The following CHST9 variants were observed in gnomAD, a reference collection of about 807,000 sequenced individuals.
CHST9 encodes the protein carbohydrate sulfotransferase 9, also known as GalNAc-4-sulfotransferase 2.
A neutral mutation model predicts 44.4 loss-of-function variants in CHST9; 41 were observed. That is an observed-to-expected ratio of 0.92 (90% CI 0.72 to 1.20). CHST9 has a LOEUF of 1.20. Among genes scored for constraint, CHST9 ranks in the 50% most tolerant of loss-of-function variants. CHST9 has a pLI of 0.00. For synonymous variants in CHST9, 171 were observed against 178.4 expected (o/e 0.96, Z 0.33); for missense variants, 504 against 516.5 (o/e 0.98, Z 0.23).
intron 4 of CHST9, among the ~76,000 whole-genome samples, chr18:27,012,695 AC>A: frequency 6.6e-6 from 1 of 152,354 alleles, no homozygotes; most frequent in East Asian, 1.9e-4. Context: ...GCAAGGTAGA[AC>A]AAGTTTTCCC....
chr18:27,039,975 ATT>A (rs2057427514), intron 3 of CHST9, among the ~76,000 whole-genome samples: 1 of 152,154 alleles, frequency 6.6e-6, no homozygotes, highest in African/African-American at 2.4e-5. Context: ...ACAGAGAACT[ATT>A]CGTTTTCAGA....
intron 2 of CHST9, among the ~76,000 whole-genome samples, chr18:27,085,301 A>G (rs567040976): frequency 6.6e-6 from 1 of 152,322 alleles, no homozygotes; most frequent in South Asian, 2.1e-4. Flanking sequence ...GCTTCTGCAC[A>G]GCAAAATAAA....
chr18:27,014,912 C>A (rs2057132984), intron 4 of CHST9, among the ~76,000 whole-genome samples: 1 of 152,024 alleles, frequency 6.6e-6, no homozygotes, highest in South Asian at 2.1e-4. Flanking sequence ...TTTCTATTGT[C>A]TCTTTTTTGC....
intron 3 of CHST9, among the ~76,000 whole-genome samples, chr18:27,041,802 T>G (rs1009544433): frequency 6.6e-6 from 1 of 152,178 alleles, no homozygotes; most frequent in Non-Finnish European, 1.5e-5. Context: ...TAAATTCGAC[T>G]GGCTGGAAAA....
intron 2 of CHST9, among the ~76,000 whole-genome samples, chr18:27,133,047 G>A (rs1390588902): frequency 6.6e-6 from 1 of 152,138 alleles, no homozygotes; most frequent in Non-Finnish European, 1.5e-5. Flanking sequence ...CACTGGCCAG[G>A]CTTGGATTAG....
In CHST9 at chr18:26,975,704, T is replaced by TATATATATATATATAA. The variant is rs1568117287; in HGVS notation, c.203-31339_203-31338insTTATATATATATATAT. Among the ~76,000 whole-genome samples the TATATATATATATATAA allele has an allele frequency of 2.4e-3, 104 of 43,144 alleles. 1 individual carries two copies. Among genetic ancestry groups the TATATATATATATATAA allele is most frequent in the African/African-American group, 0.011 (101 of 9,386 alleles). The allele number at this position is 43,144 out of a possible 152,430, so 28.3% of individuals were successfully genotyped here. A position where few individuals can be genotyped will look rare whatever the true frequency, so the allele number is the denominator to read the frequency against. ...ATATATGTGTGTGTATATATATGTGTATATATGTGTGTGTGTGTGTGTATA... is the reference window on the plus strand; with the variant it reads ...ATATATGTGTGTGTATATATATGTGTATATATATATATATAAATATATGTGTGTGTGTGTGTGTATA... On this transcript the variant is annotated intron_variant, in intron 4 of 5. Transcript: ENST00000618847.
intron 4 of CHST9, among the ~76,000 whole-genome samples, chr18:26,980,757 T>G (rs1154212): frequency 0.61 from 92,990 of 152,030 alleles, 28,679 homozygotes; most frequent in East Asian, 0.73. Flanking sequence ...AAAAAAGGTT[T>G]TATAATTTAT....
At chr18:26,938,271 T>C (rs1450375709) in intron 5 of CHST9, among the ~76,000 whole-genome samples, 1 of 152,178 alleles carries the variant, frequency 6.6e-6, no homozygotes, top group Non-Finnish European at 1.5e-5. Flanking sequence ...GTAGAAGCCA[T>C]CTGACCTTTA....
chr18:26,968,173 T>C (rs930528320), intron 4 of CHST9, among the ~76,000 whole-genome samples: 5 of 152,192 alleles, frequency 3.3e-5, no homozygotes, highest in African/African-American at 1.2e-4. Flanking sequence ...CGTATATGCA[T>C]CTATCCCATT....
chr18:27,160,980 G>A (rs753365107), intron 1 of CHST9, among the ~76,000 whole-genome samples: 10 of 151,850 alleles, frequency 6.6e-5, no homozygotes, highest in South Asian at 2.1e-4. Flanking sequence ...TTTTTATTGC[G>A]TCTATTGGAT....
At chr18:27,007,428 G>T (rs1193458871) in intron 4 of CHST9, among the ~76,000 whole-genome samples, 2 of 152,192 alleles carry the variant, frequency 1.3e-5, no homozygotes, top group South Asian at 2.1e-4. Flanking sequence ...GGTGAGGCAG[G>T]TAGCACTAAT....
chr18:27,043,519 G>T (rs901737849), intron 3 of CHST9, among the ~76,000 whole-genome samples: 1 of 151,972 alleles, frequency 6.6e-6, no homozygotes, highest in African/African-American at 2.4e-5. Context: ...TTATCCTCCC[G>T]TACCTTCCAT....
chr18:26,956,493 T>G (rs1442416815), intron 4 of CHST9, among the ~76,000 whole-genome samples: 2 of 149,020 alleles, frequency 1.3e-5, no homozygotes, highest in Non-Finnish European at 3.0e-5. Context: ...TACAATTTTT[T>G]ATATATATAC....
chr18:26,917,404 A>C, intron 5 of CHST9, 54 bp from the exon 6 acceptor site: 47 of 1,550,170 alleles, frequency 3.0e-5, no homozygotes, highest in Non-Finnish European at 4.1e-5. Context: ...GTGTGGGTAT[A>C]CTGGATAAGG....
At chr18:27,019,689 CAAAAAAAAA>C (rs60043018) in intron 4 of CHST9, among the ~76,000 whole-genome samples, 9 of 91,310 alleles carry the variant, frequency 9.9e-5, no homozygotes, top group Non-Finnish European at 1.5e-4. Flanking sequence ...CACTACATGG[CAAAAAAAAA>C]AAAAAAAAAA....
intron 2 of CHST9, among the ~76,000 whole-genome samples, chr18:27,138,340 T>A (rs2058534253): frequency 6.6e-6 from 1 of 152,190 alleles, no homozygotes; most frequent in East Asian, 1.9e-4. Context: ...CCTCTGCCCA[T>A]GGAGGCAGCT....
chr18:27,065,734 T>C (rs1336444145), intron 2 of CHST9, among the ~76,000 whole-genome samples: 1 of 152,080 alleles, frequency 6.6e-6, no homozygotes, highest in African/African-American at 2.4e-5. Context: ...AATAAGAAAT[T>C]CCCTTTTTAG....
chr18:26,916,470 T>C lies in CHST9; in HGVS notation c.1121A>G (p.Glu374Gly). The change falls in exon 6 of 6, where the codon GAA (glutamate) becomes GGA (glycine). Residue 374 changes from glutamate (E) to glycine (G), a missense_variant. By Grantham distance (98) the Glu-to-Gly change is moderately conservative (BLOSUM62 -2). Transcript: ENST00000618847. The stretch of plus-strand genomic sequence containing the variant: ...CTGTAAAAAGTAATTGGCATCTTCT[T>C]CCAAAGTCTCAAATTTCCCTACAAA... The part of the protein sequence containing the change: ...YDFVGKFETL[E>G]EDANYFLQMI... 6.2e-7 allele frequency: 1 copy of C among 1,613,732 alleles called. No homozygotes were observed. Among genetic ancestry groups the C allele is most frequent in the Non-Finnish European group, 8.5e-7 (1 of 1,179,720 alleles).
rs2057221392 is a variant in CHST9, at chr18:27,021,150, C to T, written c.202+2966G>A. 2.0e-5 allele frequency among the ~76,000 whole-genome samples: 3 copies of T among 152,102 alleles called. No homozygotes were observed. The South Asian group carries it at 6.2e-4, about 32-fold the overall frequency. The stretch of plus-strand genomic sequence containing the variant: ...GAAAGGGGAGGCTGGGAATAGGCTG[C>T]AGTTGGGATGTGAGACAAGGGTGGG... On this transcript the variant is annotated intron_variant, in intron 4 of 5. Transcript: ENST00000618847.
Sources: allele counts gnomAD v4.1 joint callset (sites outside exome capture counted in the v4.1 genomes callset), GRCh38; gene constraint gnomAD v4.1.1; transcripts MANE v1.5; gene names NCBI Gene and HGNC (gene_info 2026-07-23, HGNC 2026-07-21).